EYS: variants seen among roughly 807,000 people sequenced by gnomAD.
The protein encoded by EYS is protein eyes shut homolog.
EYS carries 250 observed loss-of-function variants against 282.1 expected under a neutral mutation model. The ratio of observed to expected loss-of-function variants is 0.89; its 90% CI spans 0.80 to 0.98. The LOEUF is 0.98. Among genes scored for constraint, EYS ranks in the 50% least tolerant of loss-of-function variants. EYS has a pLI of 0.00. For synonymous variants in EYS, 1,355 were observed against 1,282.9 expected (o/e 1.06, Z -1.20); for missense variants, 4,016 against 3,709.0 (o/e 1.08, Z -2.15).
chr6:64,573,146 C>A (rs1032740344), intron 26 of EYS, among the ~76,000 whole-genome samples: 1 of 152,110 alleles, frequency 6.6e-6, no homozygotes, highest in Non-Finnish European at 1.5e-5. Context: ...TGATCTTTGA[C>A]AAACCTGGCA....
chr6:65,411,818 T>G (rs1335025768), intron 5 of EYS, among the ~76,000 whole-genome samples: 2 of 151,834 alleles, frequency 1.3e-5, no homozygotes, highest in Non-Finnish European at 2.9e-5. Flanking sequence ...AATACGTCTT[T>G]TTTTTTTTTT....
At chr6:65,378,763 T>TGAGAATG (rs1454823493) in intron 8 of EYS, among the ~76,000 whole-genome samples, 2 of 151,926 alleles carry the variant, frequency 1.3e-5, no homozygotes, top group African/African-American at 4.8e-5. Context: ...AAACCATCAT[T>TGAGAATG]CTCAGCAAAC....
chr6:64,671,115 A>G (rs1769443332), intron 22 of EYS, among the ~76,000 whole-genome samples: 1 of 152,174 alleles, frequency 6.6e-6, no homozygotes, highest in Non-Finnish European at 1.5e-5. Flanking sequence ...TAAAACACTG[A>G]AGAAATGTAT....
intron 22 of EYS, among the ~76,000 whole-genome samples, chr6:64,714,645 C>T (rs1479224857): frequency 1.3e-5 from 2 of 151,648 alleles, no homozygotes; most frequent in African/African-American, 2.4e-5. Flanking sequence ...CCTGCCTCAG[C>T]CTCTGGAGTA....
rs146710330 is a variant in EYS, at chr6:64,089,179, A to G, written c.6425-7177T>C. On this transcript the variant is annotated intron_variant, in intron 31 of 42. Coordinates refer to ENST00000503581, the MANE Select transcript of EYS (RefSeq NM_001142800.2). ...GCAATTATTATTTTAATTTAAAAAT[A>G]TTACATTTTCCACTTATGAGTCTAA... Among the ~76,000 whole-genome samples, 46 of 151,968 alleles carry G rather than the reference A, an allele frequency of 3.0e-4. No individual in the cohort carries two copies. In the East Asian group the frequency reaches 8.5e-3, roughly 28 times the overall value.
intron 22 of EYS, among the ~76,000 whole-genome samples, chr6:64,720,539 C>G (rs1453912734): frequency 6.6e-6 from 1 of 152,158 alleles, no homozygotes; most frequent in Non-Finnish European, 1.5e-5. Context: ...ATAATTATAA[C>G]AGTTCCATTC....
chr6:64,626,126 T>C lies in EYS; in HGVS notation c.3563A>G (p.Gln1188Arg). 1 of 1,532,160 alleles carries C rather than the reference T, an allele frequency of 6.5e-7. No homozygotes were observed. Among genetic ancestry groups the C allele is most frequent in the South Asian group, 1.2e-5 (1 of 81,210 alleles). 94.9% of individuals were successfully genotyped at this position (1,532,160 alleles called of 1,614,324 possible). A position where few individuals can be genotyped will look rare whatever the true frequency, so the allele number is the denominator to read the frequency against. Residue 1188 changes from glutamine to arginine, a missense_variant, in exon 23 of 43, where the codon CAA becomes CGA. By Grantham distance (43) the Gln-to-Arg change is conservative. Coordinates refer to ENST00000503581, the MANE Select transcript of EYS (RefSeq NM_001142800.2). ...DHINGYVCKC[Q>R]PGWSGHHCEN... ...ATTATTTTTAAAATAATTACCTGGTTGGCATTTGCAAACATATCCATTGAT... is the reference window on the plus strand; with the variant it reads ...ATTATTTTTAAAATAATTACCTGGTCGGCATTTGCAAACATATCCATTGAT...
intron 14 of EYS, among the ~76,000 whole-genome samples, chr6:64,968,583 A>T (rs1770179738): frequency 6.6e-6 from 1 of 152,136 alleles, no homozygotes; most frequent in African/African-American, 2.4e-5. Flanking sequence ...TCGAAGCAGT[A>T]TTATTTTTTT....
intron 5 of EYS, among the ~76,000 whole-genome samples, chr6:65,439,531 C>A (rs866264810): frequency 6.6e-6 from 1 of 151,896 alleles, no homozygotes; most frequent in African/African-American, 2.4e-5. Flanking sequence ...TCGTTGAGCA[C>A]TGGTTTGTAG....
intron 22 of EYS, among the ~76,000 whole-genome samples, chr6:64,773,079 C>A (rs1344951565): frequency 6.6e-6 from 1 of 151,708 alleles, no homozygotes; most frequent in East Asian, 1.9e-4. Context: ...TTTCTTCACC[C>A]ACGTTTTCAG....
At chr6:64,359,601 T>C (rs1171058061) in intron 29 of EYS, among the ~76,000 whole-genome samples, 5 of 151,760 alleles carry the variant, frequency 3.3e-5, no homozygotes, top group Admixed American at 1.3e-4. Flanking sequence ...GAATATTTGC[T>C]CAATCAGAGT....
chr6:63,721,904 G>T (rs1670332073), intron 42 of EYS, 107 bp from the exon 43 acceptor site: 1 of 993,900 alleles, frequency 1.0e-6, no homozygotes, highest in Non-Finnish European at 1.5e-6. Flanking sequence ...GGGGAAAAAA[G>T]TAACAGATCT....
chr6:64,499,375 A>T (rs1776974291), intron 26 of EYS, among the ~76,000 whole-genome samples: 1 of 152,154 alleles, frequency 6.6e-6, no homozygotes, highest in South Asian at 2.1e-4. Flanking sequence ...GCTAACTAGA[A>T]ACTGCTAATC....
intron 5 of EYS, among the ~76,000 whole-genome samples, chr6:65,432,696 T>C (rs908955825): frequency 2.0e-5 from 3 of 152,112 alleles, no homozygotes; most frequent in African/African-American, 7.2e-5. Flanking sequence ...TAAAAGCTTC[T>C]ACACAGAAGG....
intron 19 of EYS, among the ~76,000 whole-genome samples, chr6:64,883,760 A>C (rs927505647): frequency 3.3e-5 from 5 of 151,538 alleles, no homozygotes; most frequent in Non-Finnish European, 4.4e-5. Context: ...TGCAAGATAA[A>C]ATGCAAGCCT....
At chr6:64,952,629 C>T (rs891552808) in intron 14 of EYS, among the ~76,000 whole-genome samples, 4 of 151,888 alleles carry the variant, frequency 2.6e-5, no homozygotes, top group African/African-American at 9.7e-5. Flanking sequence ...AAGTTTTATC[C>T]ACCTGCAAAT....
chr6:65,281,319 C>T (rs1261089161), intron 12 of EYS, among the ~76,000 whole-genome samples: 2 of 151,896 alleles, frequency 1.3e-5, no homozygotes, highest in African/African-American at 4.8e-5. Flanking sequence ...TGTTAATATT[C>T]AACAGAATAT....
chr6:65,245,360 T>G (rs1373122255), intron 12 of EYS, among the ~76,000 whole-genome samples: 1 of 152,192 alleles, frequency 6.6e-6, no homozygotes, highest in Non-Finnish European at 1.5e-5. Context: ...CAGTTTTTAT[T>G]TATCTATGCT....
chr6:64,547,346 T>A (rs1374152392), intron 26 of EYS, among the ~76,000 whole-genome samples: 1 of 152,140 alleles, frequency 6.6e-6, no homozygotes, highest in Non-Finnish European at 1.5e-5. Flanking sequence ...TACAGAGAGC[T>A]GATTGGTCCG....
Sources: allele counts gnomAD v4.1 joint callset (sites outside exome capture counted in the v4.1 genomes callset), GRCh38; gene constraint gnomAD v4.1.1; transcripts MANE v1.5; gene names NCBI Gene and HGNC (gene_info 2026-07-23, HGNC 2026-07-21).